Variants in OPCML observed in about 807,000 individuals in gnomAD.
OPCML encodes the protein opioid binding protein/cell adhesion molecule like, also known as opioid-binding protein/cell adhesion molecule.
Under a neutral mutation model 37.8 loss-of-function variants are expected in OPCML, and 13 were observed. The observed-to-expected ratio is 0.34, with a 90% CI of 0.22 to 0.55. The LOEUF (loss-of-function observed/expected upper bound fraction) is 0.55. Ranked by LOEUF, OPCML falls within the 20% of genes least tolerant of loss-of-function variation. The pLI is 0.91. For synonymous variants in OPCML, 176 were observed against 168.8 expected (o/e 1.04, Z -0.33); for missense variants, 341 against 435.6 (o/e 0.78, Z 1.93).
intron 1 of OPCML, among the ~76,000 whole-genome samples, chr11:133,032,578 A>C (rs986363763): frequency 1.3e-5 from 2 of 152,246 alleles, no homozygotes; most frequent in African/African-American, 4.8e-5. Flanking sequence ...TCACAGCAGT[A>C]AATGGCAAAA....
chr11:132,830,032 T>C (rs1027746857), intron 2 of OPCML, among the ~76,000 whole-genome samples: 2 of 152,186 alleles, frequency 1.3e-5, no homozygotes, highest in Non-Finnish European at 2.9e-5. Flanking sequence ...AATCCGGACT[T>C]GTCAGCGTGT....
intron 2 of OPCML, among the ~76,000 whole-genome samples, chr11:132,663,355 G>A (rs1942069875): frequency 6.6e-6 from 1 of 152,206 alleles, no homozygotes; most frequent in Non-Finnish European, 1.5e-5. Context: ...ACATATATGT[G>A]TCTTTCTGCA....
intron 1 of OPCML, among the ~76,000 whole-genome samples, chr11:133,109,852 C>T (rs1949223694): frequency 6.6e-6 from 1 of 152,150 alleles, no homozygotes; most frequent in South Asian, 2.1e-4. Flanking sequence ...TTTATCTCAT[C>T]CAACCGTCTA....
At chr11:133,187,586 A>G (rs55983503) in intron 1 of OPCML, among the ~76,000 whole-genome samples, 21,331 of 152,070 alleles carry the variant, frequency 0.14, 1,625 homozygotes, top group Middle Eastern at 0.2. Context: ...TCACCAAGAC[A>G]GGAGTATAAG....
chr11:132,717,725 G>A (rs897171683), intron 2 of OPCML, among the ~76,000 whole-genome samples: 1 of 152,150 alleles, frequency 6.6e-6, no homozygotes, highest in African/African-American at 2.4e-5. Flanking sequence ...AATGTATCTA[G>A]TTGAAAGGTA....
chr11:133,226,980 T>A (rs570936725), intron 1 of OPCML, among the ~76,000 whole-genome samples: 87 of 152,230 alleles, frequency 5.7e-4, no homozygotes, highest in Non-Finnish European at 7.3e-4. Flanking sequence ...TATATTTCAT[T>A]TCATCAATTC....
At chr11:132,843,087 TCTTTC>T (rs375118471) in intron 2 of OPCML, among the ~76,000 whole-genome samples, 34 of 95,060 alleles carry the variant, frequency 3.6e-4, no homozygotes, top group South Asian at 9.0e-4. Context: ...GGTTCCTTTT[TCTTTC>T]TTTTTTTTTT....
At chr11:133,094,625 T>C (rs988796982) in intron 1 of OPCML, among the ~76,000 whole-genome samples, 1 of 152,210 alleles carries the variant, frequency 6.6e-6, no homozygotes, top group Non-Finnish European at 1.5e-5. Flanking sequence ...GATGCAAGTG[T>C]CTGGATAAAT....
At chr11:133,008,177 C>A (rs1591905749) in intron 1 of OPCML, 2 of 985,264 alleles carry the variant, frequency 2.0e-6, no homozygotes, top group Admixed American at 6.1e-5. Flanking sequence ...GACCAAGAAC[C>A]CTTGGGTCAT....
Position 132,959,375 on chromosome 11 carries a change from C to T in OPCML, c.62-16365G>A, listed in dbSNP as rs115100700. 4.7e-3 allele frequency among the ~76,000 whole-genome samples: 713 copies of T among 152,348 alleles called. 2 individuals are homozygous for T. The highest frequency in any genetic ancestry group is 0.016 in the African/African-American group (666 of 41,594). ...ATGGAAACTACCCTCGGTGAAGATG[C>T]TGTGAACATTGTTGAAATGACAACA... is the stretch of plus-strand genomic sequence containing the variant. On this transcript the variant is annotated intron_variant, in intron 1 of 7. Coordinates refer to ENST00000524381, the MANE Select transcript of OPCML (RefSeq NM_001012393.5).
At chr11:133,035,521 G>T (rs1326809476) in intron 1 of OPCML, among the ~76,000 whole-genome samples, 1 of 152,148 alleles carries the variant, frequency 6.6e-6, no homozygotes, top group African/African-American at 2.4e-5. Context: ...AAAGTATTTG[G>T]CTATTCTCAT....
At chr11:132,463,444 GA>G (rs1411487554) in intron 4 of OPCML, among the ~76,000 whole-genome samples, 1 of 152,168 alleles carries the variant, frequency 6.6e-6, no homozygotes, top group Non-Finnish European at 1.5e-5. Context: ...TGTCCTTAGG[GA>G]ACTAGCTAAA....
At chr11:133,407,666 T>C (rs1326380331) in intron 1 of OPCML, among the ~76,000 whole-genome samples, 1 of 152,206 alleles carries the variant, frequency 6.6e-6, no homozygotes, top group Non-Finnish European at 1.5e-5. Flanking sequence ...AGTCTCCTGC[T>C]TTCAGCTTAT....
intron 1 of OPCML, among the ~76,000 whole-genome samples, chr11:133,331,649 C>A (rs955288141): frequency 6.6e-6 from 1 of 152,118 alleles, no homozygotes; most frequent in East Asian, 1.9e-4. Flanking sequence ...TAACTCTTGA[C>A]CTTTTACCTT....
intron 1 of OPCML, among the ~76,000 whole-genome samples, chr11:133,186,819 A>G (rs955387177): frequency 1.3e-5 from 2 of 152,222 alleles, no homozygotes; most frequent in Non-Finnish European, 2.9e-5. Context: ...ACTGGTGCTC[A>G]GTGTGGGCAA....
intron 1 of OPCML, among the ~76,000 whole-genome samples, chr11:133,073,035 A>C (rs1488616598): frequency 6.6e-6 from 1 of 152,190 alleles, no homozygotes; most frequent in Non-Finnish European, 1.5e-5. Flanking sequence ...GAGTCACCAT[A>C]GCGAAGCTGA....
chr11:132,953,379 C>A (rs1403786477), intron 1 of OPCML, among the ~76,000 whole-genome samples: 1 of 152,148 alleles, frequency 6.6e-6, no homozygotes, highest in Non-Finnish European at 1.5e-5. Context: ...CTCCTTCCCT[C>A]CCTGGACCCC....
intron 2 of OPCML, among the ~76,000 whole-genome samples, chr11:132,767,586 C>T (rs1946493121): frequency 6.6e-6 from 1 of 152,180 alleles, no homozygotes; most frequent in South Asian, 2.1e-4. Flanking sequence ...CATTTGCTCC[C>T]TCTGGCTTAC....
chr11:133,101,114 G>A (rs1565447480), intron 1 of OPCML, among the ~76,000 whole-genome samples: 1 of 151,870 alleles, frequency 6.6e-6, no homozygotes, highest in African/African-American at 2.4e-5. Flanking sequence ...TAGTAGAGAC[G>A]GGGTTTCACC....
Sources: allele counts gnomAD v4.1 joint callset (sites outside exome capture counted in the v4.1 genomes callset), GRCh38; gene constraint gnomAD v4.1.1; transcripts MANE v1.5; gene names NCBI Gene and HGNC (gene_info 2026-07-23, HGNC 2026-07-21).